The following TDRD6 variants were observed in gnomAD, a reference collection of about 807,000 sequenced individuals.
TDRD6 encodes tudor domain containing 6.
In TDRD6, 186 loss-of-function variants were observed where a neutral mutation model predicts 157.5. The ratio of observed to expected loss-of-function variants is 1.18; its 90% CI spans 1.05 to 1.33. The LOEUF is 1.33. Among genes scored for constraint, TDRD6 ranks in the 40% most tolerant of loss-of-function variants. TDRD6 has a pLI of 0.00. For synonymous variants in TDRD6, 1,075 were observed against 945.2 expected (o/e 1.14, Z -2.52); for missense variants, 3,066 against 2,508.0 (o/e 1.22, Z -4.75).
At chr6:46,684,406 A>G (rs1764039320), upstream of TDRD6, among the ~76,000 whole-genome samples, 1 of 149,014 alleles carries the variant, frequency 6.7e-6, no homozygotes, top group African/African-American at 2.5e-5. Flanking sequence ...ATTCCATGCA[A>G]TTTCATCACC....
chr6:46,685,094 C>T (rs374191687), upstream of TDRD6, among the ~76,000 whole-genome samples: 16 of 151,470 alleles, frequency 1.1e-4, no homozygotes, highest in East Asian at 5.8e-4. Flanking sequence ...CATCCTCCTC[C>T]GTGAAATGCC....
At chr6:46,699,757 G>A (rs1764578061) in intron 3 of TDRD6, among the ~76,000 whole-genome samples, 2 of 152,034 alleles carry the variant, frequency 1.3e-5, no homozygotes, top group Admixed American at 1.3e-4. Flanking sequence ...ACCTATTTCT[G>A]TTCACTTTTG....
chr6:46,685,917 C>T (rs1764080439), upstream of TDRD6, among the ~76,000 whole-genome samples: 1 of 152,102 alleles, frequency 6.6e-6, no homozygotes, highest in African/African-American at 2.4e-5. Context: ...CTTAACAGTG[C>T]AATGACCTGA....
At position 46,688,509 on chromosome 6, in the gene TDRD6, G is replaced by A. The variant is rs1300749868; in HGVS notation, c.381G>A (p.Leu127=). The A allele has an allele frequency of 6.4e-7, 1 of 1,563,456 alleles. No homozygotes were observed. Among genetic ancestry groups the A allele is most frequent in the African/African-American group, 1.4e-5 (1 of 74,050 alleles). Residue 127 remains leucine, a synonymous_variant, in exon 1 of 4, where the codon CTG becomes CTA. Coordinates refer to ENST00000316081, the MANE Select transcript of TDRD6 (RefSeq NM_001010870.3). ...TCTTCAATTTGCCCTCGGAAGTGCT[G>A]GGCTGCGTGCTAGCGGGCCTGGTGC... The part of the protein sequence containing the change: ...REFFNLPSEV[L]GCVLAGLVPA...
chr6:46,686,642 G>A (rs1334389384), upstream of TDRD6, among the ~76,000 whole-genome samples: 1 of 152,188 alleles, frequency 6.6e-6, no homozygotes, highest in Non-Finnish European at 1.5e-5. Context: ...GAGTTTTCAA[G>A]GATGAGTTCT....
rs776362451 is a variant in TDRD6 at position 46,691,711 on chromosome 6, TTAAG to T, written c.3587_3590del (p.Ser1196AsnfsTer3). The T allele has an allele frequency of 9.3e-6, 15 of 1,607,348 alleles. No homozygotes were observed. Among genetic ancestry groups the T allele is most frequent in the East Asian group, 4.5e-5 (2 of 44,792 alleles). ...TATGAAGTTGCCATGTACAGAGTAT[TTAAG>T]TAAATCAGTAGGGTACAAGTTACCT... is the stretch of plus-strand genomic sequence containing the variant. On this transcript the variant is annotated frameshift_variant, in exon 1 of 4. Transcript: ENST00000316081. LOFTEE classifies it high-confidence loss of function.
chr6:46,692,714 A>G lies in TDRD6; in HGVS notation c.4586A>G (p.Asp1529Gly). Residue 1529 changes from aspartate (D) to glycine (G), a missense_variant, in exon 1 of 4, where the codon GAT becomes GGT. Asp to Gly is a moderately conservative substitution (Grantham distance 94). Transcript: ENST00000316081. ...KMIRAYATVI[D>G]GPEYFWCQFA... is the part of the protein sequence containing the mutation. ...ATAAGAGCTTATGCCACTGTGATAG[A>G]TGGACCTGAGTACTTTTGGTGTCAG... The G allele has an allele frequency of 6.2e-7, 1 of 1,614,198 alleles. No homozygotes were observed. The highest frequency in any genetic ancestry group is 8.5e-7 in the Non-Finnish European group (1 of 1,180,038).
Position 46,688,434 on chromosome 6 carries a change from C to T in TDRD6, c.306C>T (p.Gly102=), listed in dbSNP as rs1764180321. Residue 102 remains glycine (G), a synonymous_variant, in exon 1 of 4, where the codon GGC becomes GGT. Transcript: ENST00000316081. ...QESRVFLLDE[G]RTITAGAGSL... ...GCCGTGTCTTCCTGCTGGACGAGGG[C>T]CGCACCATCACGGCCGGAGCAGGCT... The T allele has an allele frequency of 6.5e-7, 1 of 1,541,978 alleles. No individual in the cohort carries two copies. Among genetic ancestry groups the T allele is most frequent in the Non-Finnish European group, 8.7e-7 (1 of 1,146,168 alleles).
Position 46,690,069 on chromosome 6 carries a change from C to T in TDRD6, c.1941C>T (p.Asp647=), listed in dbSNP as rs757247390. The part of the protein sequence containing the change: ...QDHQYVIEIL[D]ESRTGEENIS... ...ATCAATATGTTATTGAGATTCTTGACGAATCAAGAACAGGGGAAGAAAACA... is the reference window on the plus strand; with the variant it reads ...ATCAATATGTTATTGAGATTCTTGATGAATCAAGAACAGGGGAAGAAAACA... Residue 647 remains aspartate (D), a synonymous_variant, in exon 1 of 4, where the codon GAC becomes GAT. Coordinates refer to ENST00000316081, the MANE Select transcript of TDRD6 (RefSeq NM_001010870.3). 9.3e-6 allele frequency: 15 copies of T among 1,613,914 alleles called. No homozygotes were observed. The highest frequency in any genetic ancestry group is 1.3e-5 in the African/African-American group (1 of 74,986).
chr6:46,681,032 C>T, the TDRD6 span, among the ~76,000 whole-genome samples: 3 of 152,192 alleles, frequency 2.0e-5, no homozygotes, highest in Non-Finnish European at 4.4e-5. Context: ...AAAGCAAGGA[C>T]CATGTAACAC....
At chr6:46,698,125 GTTCT>G in intron 3 of TDRD6, 38 bp downstream of exon 3, 1 of 1,418,116 alleles carries the variant, frequency 7.1e-7, no homozygotes, top group Non-Finnish European at 9.9e-7. Flanking sequence ...TGAGAGCATT[GTTCT>G]TCATTTTGAA....
chr6:46,688,077 C>T lies in TDRD6; in HGVS notation c.-52C>T. The T allele has an allele frequency of 7.0e-7, 1 of 1,425,284 alleles. No homozygotes were observed. The highest frequency in any genetic ancestry group is 9.1e-7 in the Non-Finnish European group (1 of 1,098,920). The allele number at this position is 1,425,284 out of a possible 1,614,324, so 88.3% of individuals were successfully genotyped here. ...AGGCGGCGCGGAGGATTTCGAGGCC[C>T]TGAGGCGCGGCCCTTAATTTCCGGA... On this transcript the variant is annotated 5_prime_UTR_variant, in exon 1 of 4. Transcript: ENST00000316081.
Position 46,694,823 on chromosome 6 carries a change from A to G in TDRD6, c.6046+649A>G, listed in dbSNP as rs560451314. 1.4e-3 allele frequency among the ~76,000 whole-genome samples: 208 copies of G among 152,312 alleles called. 1 individual carries two copies. The highest frequency in any genetic ancestry group is 2.5e-3 in the Non-Finnish European group (173 of 68,018). On this transcript the variant is annotated intron_variant, in intron 1 of 3. Coordinates refer to ENST00000316081, the MANE Select transcript of TDRD6 (RefSeq NM_001010870.3). ...TATAAAACATGGTATTCCCTTGCCA[A>G]ATTTATGGCACTACTACAGGCATTA... is the stretch of plus-strand genomic sequence containing the variant.
At chr6:46,682,016 G>A in the TDRD6 span, among the ~76,000 whole-genome samples, 1 of 152,056 alleles carries the variant, frequency 6.6e-6, no homozygotes, top group Non-Finnish European at 1.5e-5. Context: ...TAATGCCACT[G>A]AGCTCTACAC....
chr6:46,695,989 C>G (rs1764484728), intron 2 of TDRD6, 44 bp downstream of exon 2: 1 of 1,584,964 alleles, frequency 6.3e-7, no homozygotes, highest in Non-Finnish European at 8.6e-7. Context: ...TATTTGCAGA[C>G]TATTAAGGAA....
Position 46,688,182 on chromosome 6 carries a change from G to A in TDRD6, c.54G>A (p.Val18=). The part of the protein sequence containing the change: ...PAPGASLALR[V]SFVDVHPDVI... ...CGGGGGCCTCGCTGGCCCTGCGGGTGTCCTTCGTGGACGTGCATCCCGATG... is the reference window on the plus strand; with the variant it reads ...CGGGGGCCTCGCTGGCCCTGCGGGTATCCTTCGTGGACGTGCATCCCGATG... Residue 18 remains valine, a synonymous_variant, in exon 1 of 4, where the codon GTG becomes GTA. Transcript: ENST00000316081. 1.3e-6 allele frequency: 2 copies of A among 1,551,232 alleles called. No homozygotes were observed. Among genetic ancestry groups the A allele is most frequent in the Non-Finnish European group, 1.7e-6 (2 of 1,154,814 alleles).
At chr6:46,696,485 T>TATATATGTATATGTA (rs2150683186) in intron 2 of TDRD6, among the ~76,000 whole-genome samples, 1 of 143,850 alleles carries the variant, frequency 7.0e-6, no homozygotes, top group East Asian at 2.0e-4. Flanking sequence ...TATATATATA[T>TATATATGTATATGTA]ATATATATGT....
the TDRD6 span, among the ~76,000 whole-genome samples, chr6:46,680,741 C>A: frequency 6.6e-6 from 1 of 152,226 alleles, no homozygotes; most frequent in Non-Finnish European, 1.5e-5. Flanking sequence ...CTGTACCCTA[C>A]CTCCTTGGAA....
chr6:46,696,653 C>G (rs1398133735), intron 2 of TDRD6, among the ~76,000 whole-genome samples: 9 of 113,284 alleles, frequency 7.9e-5, no homozygotes, highest in African/African-American at 1.8e-4. Context: ...ACTCTGTCAC[C>G]CAGGCTGGAG....
Sources: gnomAD v4.1 joint callset for allele counts (sites outside exome capture counted in the v4.1 genomes callset) on GRCh38, gnomAD v4.1.1 for gene constraint, MANE v1.5 for transcripts, NCBI Gene and HGNC (gene_info 2026-07-23, HGNC 2026-07-21) for gene names.